Variants in GPR158 observed in about 807,000 individuals in gnomAD.
GPR158 encodes G protein-coupled receptor 158.
In GPR158, 30 loss-of-function variants were observed where a neutral mutation model predicts 78.2. That is an observed-to-expected ratio of 0.38 (90% CI 0.29 to 0.52). The LOEUF is 0.52. Ranked by LOEUF, GPR158 falls within the 20% of genes least tolerant of loss-of-function variation. The pLI, the probability that GPR158 is intolerant of heterozygous loss-of-function variation, is 0.83. For synonymous variants in GPR158, 581 were observed against 591.1 expected (o/e 0.98, Z 0.25); for missense variants, 1,463 against 1,523.5 (o/e 0.96, Z 0.66).
At chr10:25,461,764 G>C (rs1835361119) in intron 4 of GPR158, among the ~76,000 whole-genome samples, 1 of 131,670 alleles carries the variant, frequency 7.6e-6, no homozygotes, top group Non-Finnish European at 1.6e-5. Flanking sequence ...ATGGAGTCTT[G>C]CTCTGTTGCC....
intron 2 of GPR158, among the ~76,000 whole-genome samples, chr10:25,332,239 A>G (rs1855136035): frequency 6.6e-6 from 1 of 152,198 alleles, no homozygotes; most frequent in Non-Finnish European, 1.5e-5. Flanking sequence ...TGCCATTGTT[A>G]GTTGGCTAGA....
At position 25,599,283 on chromosome 10, in the gene GPR158, G is replaced by C. The variant is rs1364572599; in HGVS notation, c.*9G>C. 2 of 1,585,412 alleles carry C rather than the reference G, an allele frequency of 1.3e-6. No homozygotes were observed. Among genetic ancestry groups the C allele is most frequent in the Non-Finnish European group, 1.7e-6 (2 of 1,164,024 alleles). On this transcript the variant is annotated 3_prime_UTR_variant, in exon 11 of 11. Transcript: ENST00000376351. The stretch of plus-strand genomic sequence containing the variant: ...ATAGTTTTAAAGTGTAGCATCTCCA[G>C]GAAGAAGAGGAAAAGGAGGGAACCC...
intron 4 of GPR158, among the ~76,000 whole-genome samples, chr10:25,420,105 AT>A (rs1834728852): frequency 6.6e-6 from 1 of 151,484 alleles, no homozygotes; most frequent in African/African-American, 2.4e-5. Flanking sequence ...CCATTCTGTG[AT>A]TTTTCTTTTT....
chr10:25,509,460 G>A (rs992109865), intron 5 of GPR158, among the ~76,000 whole-genome samples: 13 of 152,160 alleles, frequency 8.5e-5, no homozygotes, highest in African/African-American at 2.9e-4. Flanking sequence ...GCTCCCGGAT[G>A]TCTGAGCCTC....
chr10:25,421,566 G>A (rs891774660), intron 4 of GPR158, among the ~76,000 whole-genome samples: 1 of 151,912 alleles, frequency 6.6e-6, no homozygotes, highest in African/African-American at 2.4e-5. Flanking sequence ...CCCAATATAG[G>A]ATGATGTTAT....
intron 5 of GPR158, among the ~76,000 whole-genome samples, chr10:25,521,766 A>G (rs1399802743): frequency 6.6e-6 from 1 of 152,256 alleles, no homozygotes; most frequent in Non-Finnish European, 1.5e-5. Flanking sequence ...TGCAGCACAC[A>G]TCAAATGACT....
intron 2 of GPR158, among the ~76,000 whole-genome samples, chr10:25,228,363 A>G (rs898842464): frequency 2.0e-5 from 3 of 152,028 alleles, no homozygotes; most frequent in Non-Finnish European, 4.4e-5. Flanking sequence ...TATGTACTAG[A>G]CTACTTATCA....
At chr10:25,568,433 AGAAGTAGGAAG>A (rs1379183087) in intron 6 of GPR158, among the ~76,000 whole-genome samples, 5 of 152,122 alleles carry the variant, frequency 3.3e-5, no homozygotes, top group Admixed American at 2.0e-4. Context: ...GTAGGAAGAG[AGAAGTAGGAAG>A]GAAGTAGGAA....
At chr10:25,342,109 C>T (rs367865507) in intron 2 of GPR158, among the ~76,000 whole-genome samples, 5 of 152,028 alleles carry the variant, frequency 3.3e-5, no homozygotes, top group African/African-American at 1.2e-4. Context: ...TTATTTTGTT[C>T]CTTGGTTATT....
chr10:25,523,897 A>G (rs571125341), intron 5 of GPR158, among the ~76,000 whole-genome samples: 79 of 152,270 alleles, frequency 5.2e-4, no homozygotes, highest in Admixed American at 2.6e-3. Flanking sequence ...AACTGTCTCT[A>G]TTTGCAGATG....
chr10:25,433,547 T>TGTTGTGTGTGTGTTGTG, intron 4 of GPR158, among the ~76,000 whole-genome samples: 1 of 96,460 alleles, frequency 1.0e-5, no homozygotes. Context: ...TGTGTGTGTG[T>TGTTGTGTGTGTGTTGTG]TGTGTGTGTG....
intron 1 of GPR158, among the ~76,000 whole-genome samples, chr10:25,208,170 G>T (rs573210264): frequency 1.1e-3 from 164 of 152,134 alleles, no homozygotes; most frequent in Non-Finnish European, 2.0e-3. Context: ...ATTGGTCAGG[G>T]TTGGTAACCA....
At chr10:25,494,784 T>G (rs540673222) in intron 5 of GPR158, among the ~76,000 whole-genome samples, 1 of 152,282 alleles carries the variant, frequency 6.6e-6, no homozygotes, top group Non-Finnish European at 1.5e-5. Context: ...TATTAGGGGG[T>G]TTAAATACAT....
chr10:25,188,093 T>C (rs909704919), intron 1 of GPR158, among the ~76,000 whole-genome samples: 22 of 152,170 alleles, frequency 1.4e-4, no homozygotes, highest in Non-Finnish European at 2.5e-4. Flanking sequence ...GAAGGACCTC[T>C]TCAAAGAGAA....
chr10:25,516,365 T>C (rs1225523265), intron 5 of GPR158, among the ~76,000 whole-genome samples: 1 of 151,852 alleles, frequency 6.6e-6, no homozygotes, highest in African/African-American at 2.4e-5. Flanking sequence ...GCAGAAGCTC[T>C]TTAGTTTAAT....
chr10:25,382,670 G>C (rs948019311), intron 2 of GPR158, among the ~76,000 whole-genome samples: 6 of 152,064 alleles, frequency 3.9e-5, no homozygotes, highest in Non-Finnish European at 7.4e-5. Context: ...AGGCCTTTTA[G>C]ATTTCCTGTT....
chr10:25,342,264 A>G (rs1360255314), intron 2 of GPR158, among the ~76,000 whole-genome samples: 2 of 151,306 alleles, frequency 1.3e-5, no homozygotes, highest in Admixed American at 6.6e-5. Context: ...TTAGGCCTAG[A>G]TGCTAGCACT....
At chr10:25,390,675 A>C (rs1033230600) in intron 2 of GPR158, among the ~76,000 whole-genome samples, 4 of 152,252 alleles carry the variant, frequency 2.6e-5, no homozygotes, top group Non-Finnish European at 4.4e-5. Flanking sequence ...TATGTTTAAA[A>C]GAGAAGCAGA....
At chr10:25,532,763 A>C (rs1836443455) in intron 5 of GPR158, among the ~76,000 whole-genome samples, 1 of 151,940 alleles carries the variant, frequency 6.6e-6, no homozygotes, top group Non-Finnish European at 1.5e-5. Context: ...ATACCAAAGC[A>C]TATAACTTAA....
Sources: allele counts gnomAD v4.1 joint callset (sites outside exome capture counted in the v4.1 genomes callset), GRCh38; gene constraint gnomAD v4.1.1; transcripts MANE v1.5; gene names NCBI Gene and HGNC (gene_info 2026-07-23, HGNC 2026-07-21).